The following SYCE1L variants were observed in gnomAD, a reference collection of about 807,000 sequenced individuals.
SYCE1L encodes synaptonemal complex central element protein 1-like.
SYCE1L carries 51 observed loss-of-function variants against 39.6 expected under a neutral mutation model. That is an observed-to-expected ratio of 1.29 (90% CI 1.03 to 1.63). The LOEUF (loss-of-function observed/expected upper bound fraction) is 1.63, where lower values mean the gene tolerates loss of function less well. Among genes scored for constraint, SYCE1L ranks in the 40% most tolerant of loss-of-function variants. SYCE1L has a pLI of 0.00. For missense variants in SYCE1L, 426 were observed against 304.9 expected, an observed-to-expected ratio of 1.40 and a Z score of -2.96; for synonymous variants, 147 against 122.4, an observed-to-expected ratio of 1.20 and a Z score of -1.33.
chr16:77,211,184 T>A (rs560573651), intron 6 of SYCE1L, 29 bp from the exon 7 acceptor site: 1 of 1,551,768 alleles, frequency 6.4e-7, no homozygotes, highest in East Asian at 2.4e-5. Context: ...CTAGCATGTG[T>A]TCTCTTATTC....
At chr16:77,211,863 C>G (rs995329510) in intron 7 of SYCE1L, among the ~76,000 whole-genome samples, 7 of 152,188 alleles carry the variant, frequency 4.6e-5, no homozygotes, top group African/African-American at 1.7e-4. Context: ...GTGCCTGAAA[C>G]CGTTGAGGAG....
intron 6 of SYCE1L, 44 bp downstream of exon 6, chr16:77,209,515 T>C: frequency 6.5e-7 from 1 of 1,547,684 alleles, no homozygotes; most frequent in Non-Finnish European, 8.7e-7. Flanking sequence ...ATTCCCCAGC[T>C]GAAAAAGGAG....
At chr16:77,208,684 A>T in intron 4 of SYCE1L, 145 bp downstream of exon 4, 1 of 829,632 alleles carries the variant, frequency 1.2e-6, no homozygotes, top group Non-Finnish European at 1.9e-6. Flanking sequence ...GTCATCTTTC[A>T]GCTCTCAGCT....
intron 6 of SYCE1L, among the ~76,000 whole-genome samples, chr16:77,210,413 AT>A (rs1334660250): frequency 2.0e-5 from 3 of 152,160 alleles, no homozygotes; most frequent in Non-Finnish European, 4.4e-5. Flanking sequence ...TTTTAATTGC[AT>A]GGGGAAACCT....
chr16:77,206,440 G>C lies in SYCE1L; in HGVS notation c.62-1G>C. ...TGTAATTTTGATTTTCCTTTCTACA[G>C]GGCAAGCCAAGTCTTTGAAGACTGA... is the stretch of plus-strand genomic sequence containing the variant. On this transcript the variant is annotated splice_acceptor_variant, in intron 1 of 10. Coordinates refer to ENST00000378644, the MANE Select transcript of SYCE1L (RefSeq NM_001129979.3). LOFTEE classifies it high-confidence loss of function. 1 of 1,551,322 alleles carries C rather than the reference G, an allele frequency of 6.4e-7. No individual in the cohort carries two copies. The highest frequency in any genetic ancestry group is 8.7e-7 in the Non-Finnish European group (1 of 1,146,918).
chr16:77,212,906 C>T lies in SYCE1L; in HGVS notation c.704C>T (p.Pro235Leu), dbSNP rs949789329. The T allele has an allele frequency of 3.6e-5, 55 of 1,529,044 alleles. No homozygotes were observed. Among genetic ancestry groups the T allele is most frequent in the Non-Finnish European group, 4.5e-5 (51 of 1,139,954 alleles). 94.7% of individuals were successfully genotyped at this position (1,529,044 alleles called of 1,614,324 possible). ...RARDEEDPEP[P>L]VAAPDAL ...CGCGACGAGGAGGATCCCGAGCCGCCGGTGGCTGCCCCTGACGCCCTCTAG... is the reference window on the plus strand; with the variant it reads ...CGCGACGAGGAGGATCCCGAGCCGCTGGTGGCTGCCCCTGACGCCCTCTAG... The change falls in exon 11 of 11, where the codon CCG becomes CTG. Residue 235 changes from proline (P) to leucine (L), a missense_variant. By Grantham distance (98) the Pro-to-Leu change is moderately conservative. Coordinates refer to ENST00000378644, the MANE Select transcript of SYCE1L (RefSeq NM_001129979.3).
chr16:77,209,729 G>C (rs749554858), intron 6 of SYCE1L, among the ~76,000 whole-genome samples: 1 of 152,074 alleles, frequency 6.6e-6, no homozygotes, highest in Non-Finnish European at 1.5e-5. Context: ...GTCTTTTTCT[G>C]TTGGCTATCC....
intron 6 of SYCE1L, among the ~76,000 whole-genome samples, chr16:77,210,757 A>C (rs1193224856): frequency 1.3e-5 from 2 of 152,188 alleles, no homozygotes; most frequent in African/African-American, 4.8e-5. Flanking sequence ...TTCTCAACAG[A>C]GGCCCATGAA....
chr16:77,209,259 C>G (rs1174194785), intron 5 of SYCE1L, 115 bp downstream of exon 5: 2 of 1,355,648 alleles, frequency 1.5e-6, no homozygotes, highest in Non-Finnish European at 2.1e-6. Context: ...GCTTCCCTCT[C>G]TGCACAGATC....
At chr16:77,208,007 T>C (rs1461574300) in intron 2 of SYCE1L, among the ~76,000 whole-genome samples, 1 of 152,206 alleles carries the variant, frequency 6.6e-6, no homozygotes, top group African/African-American at 2.4e-5. Context: ...GCCACCTGAA[T>C]TGATTTATTT....
intron 5 of SYCE1L, 31 bp from the exon 6 acceptor site, chr16:77,209,386 T>C (rs770344230): frequency 7.7e-6 from 12 of 1,551,484 alleles, no homozygotes; most frequent in Non-Finnish European, 1.0e-5. Flanking sequence ...CCAAGAGCTC[T>C]CAAAGGGTCC....
chr16:77,207,914 C>T lies in SYCE1L; in HGVS notation c.122-296C>T, dbSNP rs373479223. On this transcript the variant is annotated intron_variant, in intron 2 of 10. Coordinates refer to ENST00000378644, the MANE Select transcript of SYCE1L (RefSeq NM_001129979.3). ...CCTGCTTCCTTCTTCTCATCTGGGG[C>T]CTTTGCATATCCCCAGACATGCCTT... Among the ~76,000 whole-genome samples, 154 of 152,276 alleles carry T rather than the reference C, an allele frequency of 1.0e-3. 3 individuals are homozygous for T. The South Asian group carries it at 0.03, about 30-fold the overall frequency.
At chr16:77,212,099 A>G in intron 7 of SYCE1L, 31 bp from the exon 8 acceptor site, 1 of 1,540,044 alleles carries the variant, frequency 6.5e-7, no homozygotes, top group Non-Finnish European at 8.8e-7. Flanking sequence ...GAGGACGGCC[A>G]AACGGGGAGG....
At position 77,199,424 on chromosome 16, in the gene SYCE1L, G is replaced by A. The variant is rs1454313027; in HGVS notation, c.-28G>A. 1.3e-6 allele frequency: 2 copies of A among 1,550,836 alleles called. No individual in the cohort carries two copies. The highest frequency in any genetic ancestry group is 2.4e-5 in the East Asian group (1 of 40,912). On this transcript the variant is annotated 5_prime_UTR_variant, in exon 1 of 11. Coordinates refer to ENST00000378644, the MANE Select transcript of SYCE1L (RefSeq NM_001129979.3). ...TCTTTTTTAACCAGTCATCAAGCGA[G>A]GCTCGCGCGCAGGCCCCGCGTTGGA...
chr16:77,209,331 C>A, intron 5 of SYCE1L, 86 bp from the exon 6 acceptor site: 1 of 1,448,672 alleles, frequency 6.9e-7, no homozygotes, highest in Non-Finnish European at 9.5e-7. Context: ...CCCTCCAATG[C>A]CTGACATGAT....
rs1382778093 is a variant in SYCE1L, at chr16:77,211,227, GAC to G, written c.376_377del (p.Gln126AlafsTer58). On this transcript the variant is annotated frameshift_variant, in exon 7 of 11. Coordinates refer to ENST00000378644, the MANE Select transcript of SYCE1L (RefSeq NM_001129979.3). LOFTEE classifies it high-confidence loss of function. ...TCGGCCTCCAGGTTGGATGTCAGAG[GAC>G]AGCTGGAGGATCTGATGGGCCAGCA... 2 of 1,551,944 alleles carry G rather than the reference GAC, an allele frequency of 1.3e-6. No homozygotes were observed. The highest frequency in any genetic ancestry group is 1.7e-6 in the Non-Finnish European group (2 of 1,147,050).
At position 77,208,468 on chromosome 16, in the gene SYCE1L, A is replaced by G; in HGVS notation, c.185A>G (p.Lys62Arg). ...ISRINDLQQA[K>R]KKSSEELRET... ...TCTTTTTCCCTTCTTGGCCCAGCAA[A>G]GAAGAAATCCAGTGAGGAACTGAGA... Residue 62 changes from lysine to arginine, a missense_variant, in exon 4 of 11, where the codon AAG (lysine) becomes AGG (arginine). Transcript: ENST00000378644. 1.9e-6 allele frequency: 3 copies of G among 1,551,738 alleles called. No homozygotes were observed. Among genetic ancestry groups the G allele is most frequent in the Non-Finnish European group, 8.7e-7 (1 of 1,147,006 alleles).
intron 1 of SYCE1L, among the ~76,000 whole-genome samples, chr16:77,204,422 T>C (rs1477220090): frequency 6.6e-6 from 1 of 152,156 alleles, no homozygotes; most frequent in African/African-American, 2.4e-5. Flanking sequence ...CAATGGCTGG[T>C]GTCCTTATAA....
chr16:77,208,317 C>A (rs1478230400), intron 3 of SYCE1L, 48 bp downstream of exon 3: 3 of 1,547,434 alleles, frequency 1.9e-6, no homozygotes, highest in Non-Finnish European at 2.6e-6. Context: ...CAGGAAGTGA[C>A]TGGATTTATA....
Sources: gnomAD v4.1 joint callset for allele counts (sites outside exome capture counted in the v4.1 genomes callset) on GRCh38, gnomAD v4.1.1 for gene constraint, MANE v1.5 for transcripts, NCBI Gene and HGNC (gene_info 2026-07-23, HGNC 2026-07-21) for gene names.